PCDHGA6: variants seen among roughly 807,000 people sequenced by gnomAD.
PCDHGA6 encodes protocadherin gamma-A6.
A neutral mutation model predicts 60.6 loss-of-function variants in PCDHGA6; 41 were observed. The observed-to-expected ratio is 0.68, with a 90% CI of 0.53 to 0.88. The LOEUF (loss-of-function observed/expected upper bound fraction) is 0.88, where lower values mean the gene tolerates loss of function less well. Among genes scored for constraint, PCDHGA6 ranks in the 40% least tolerant of loss-of-function variants. The pLI is 0.00. For synonymous variants in PCDHGA6, 594 were observed against 524.4 expected, an observed-to-expected ratio of 1.13 and a Z score of -1.81; for missense variants, 1,312 against 1,203.0, an observed-to-expected ratio of 1.09 and a Z score of -1.34.
Position 141,374,160 on chromosome 5 carries a change from C to A in PCDHGA6, c.77C>A (p.Ala26Asp). 6.2e-7 allele frequency: 1 copy of A among 1,612,164 alleles called. No individual in the cohort carries two copies. The highest frequency in any genetic ancestry group is 1.7e-4 in the Middle Eastern group (1 of 6,030). The part of the protein sequence containing the change: ...LLTLLGTLWG[A>D]AAAQIRYSIP... Reference sequence around the variant, plus strand: ...ACGCTCCTGGGGACGCTGTGGGGGGCCGCGGCAGCGCAGATCCGCTACTCT... The same window carrying A: ...ACGCTCCTGGGGACGCTGTGGGGGGACGCGGCAGCGCAGATCCGCTACTCT... The change falls in exon 1 of 4, where the codon GCC becomes GAC. Residue 26 changes from alanine (A) to aspartate (D), a missense_variant. Transcript: ENST00000517434.
At position 141,393,369 on chromosome 5, in the gene PCDHGA6, G is replaced by A. The variant is rs748036677; in HGVS notation, c.2424+16862G>A. 19 of 1,613,962 alleles carry A rather than the reference G, an allele frequency of 1.2e-5. No homozygotes were observed. In the South Asian group the frequency reaches 2.0e-4, roughly 17 times the overall value. Reference sequence around the variant, plus strand: ...CTTCTCCCTGGACGTGCAGACTGGAGACAATGGAGCCATAAACCCAGAGCT... The same window carrying A: ...CTTCTCCCTGGACGTGCAGACTGGAAACAATGGAGCCATAAACCCAGAGCT... On this transcript the variant is annotated intron_variant, in intron 1 of 3. Coordinates refer to ENST00000517434, the MANE Select transcript of PCDHGA6 (RefSeq NM_018919.3).
chr5:141,451,358 T>C (rs537863729), intron 1 of PCDHGA6, among the ~76,000 whole-genome samples: 1 of 152,326 alleles, frequency 6.6e-6, no homozygotes, highest in African/African-American at 2.4e-5. Flanking sequence ...CAACAGAGGA[T>C]GGATCCGCTT....
Position 141,386,987 on chromosome 5 carries a change from A to G in PCDHGA6, c.2424+10480A>G, listed in dbSNP as rs147872708. 4.1e-3 allele frequency among the ~76,000 whole-genome samples: 628 copies of G among 152,308 alleles called. 4 individuals carry two copies. The highest frequency in any genetic ancestry group is 3.9e-3 in the Non-Finnish European group (262 of 68,032). ...CTCAGTGACTTTGTGTTTTGAGGCTATGTATTATCCCCCTGATAACTTTGA... is the reference window on the plus strand; with the variant it reads ...CTCAGTGACTTTGTGTTTTGAGGCTGTGTATTATCCCCCTGATAACTTTGA... On this transcript the variant is annotated intron_variant, in intron 1 of 3. Transcript: ENST00000517434.
intron 1 of PCDHGA6, among the ~76,000 whole-genome samples, chr5:141,448,842 G>A (rs943887884): frequency 6.6e-6 from 1 of 152,182 alleles, no homozygotes; most frequent in Non-Finnish European, 1.5e-5. Context: ...CTACTCTGGA[G>A]GCTGAGGCAG....
At chr5:141,413,763 G>A (rs964376306) in intron 1 of PCDHGA6, 6 of 1,612,814 alleles carry the variant, frequency 3.7e-6, no homozygotes, top group Non-Finnish European at 5.1e-6. Context: ...TCAAGTACCC[G>A]GAGCTGGTAC....
intron 1 of PCDHGA6, among the ~76,000 whole-genome samples, chr5:141,465,280 C>T (rs922029628): frequency 7.2e-5 from 11 of 151,990 alleles, no homozygotes; most frequent in Non-Finnish European, 1.5e-4. Flanking sequence ...TTAGTTCACC[C>T]CTAAAGAACT....
intron 1 of PCDHGA6, chr5:141,396,643 A>C (rs1271446592): frequency 6.6e-6 from 1 of 152,180 alleles, no homozygotes; most frequent in Admixed American, 6.5e-5. Context: ...ACTAATATTA[A>C]TAGTAAAAAC....
chr5:141,443,183 TTCTC>T (rs2098370937), intron 1 of PCDHGA6, among the ~76,000 whole-genome samples: 1 of 152,184 alleles, frequency 6.6e-6, no homozygotes, highest in Non-Finnish European at 1.5e-5. Context: ...CACTGCATCA[TTCTC>T]TATAGTACAA....
In PCDHGA6 at chr5:141,482,160, T is replaced by C. The variant is rs577572891; in HGVS notation, c.2425-12647T>C. Reference sequence around the variant, plus strand: ...GCATAAAAAGGTCAAGTCAAAGATATGTAAGATTAAGGCTTTACGATGCTC... The same window carrying C: ...GCATAAAAAGGTCAAGTCAAAGATACGTAAGATTAAGGCTTTACGATGCTC... On this transcript the variant is annotated intron_variant, in intron 1 of 3. Coordinates refer to ENST00000517434, the MANE Select transcript of PCDHGA6 (RefSeq NM_018919.3). 1.6e-4 allele frequency among the ~76,000 whole-genome samples: 25 copies of C among 151,966 alleles called. No homozygotes were observed. In the South Asian group the frequency reaches 4.0e-3, roughly 24 times the overall value.
intron 1 of PCDHGA6, among the ~76,000 whole-genome samples, chr5:141,438,620 A>G (rs2098023964): frequency 1.0e-4 from 4 of 39,044 alleles, no homozygotes; most frequent in African/African-American, 8.0e-4. Flanking sequence ...ATATATATAT[A>G]TATATATATA....
chr5:141,455,860 A>ATTATTTATTTAT (rs145569377), intron 1 of PCDHGA6, among the ~76,000 whole-genome samples: 9 of 139,836 alleles, frequency 6.4e-5, no homozygotes, highest in African/African-American at 7.9e-5. Context: ...AATTTCTTTT[A>ATTATTTATTTAT]TTATTTATTT....
chr5:141,431,968 T>G lies in PCDHGA6; in HGVS notation c.2424+55461T>G, dbSNP rs571981127. 6.2e-7 allele frequency: 1 copy of G among 1,614,190 alleles called. No individual in the cohort carries two copies. Among genetic ancestry groups the G allele is most frequent in the Admixed American group, 1.7e-5 (1 of 60,024 alleles). On this transcript the variant is annotated intron_variant, in intron 1 of 3. Coordinates refer to ENST00000517434, the MANE Select transcript of PCDHGA6 (RefSeq NM_018919.3). The surrounding 1 kb of genome is among the most constrained non-coding windows in gnomAD (Gnocchi z 4.8). ...AAAAATCTTACGGAAATTACTATAGTTTAGTCACAGACATAGTCTTGGATA... is the reference window on the plus strand; with the variant it reads ...AAAAATCTTACGGAAATTACTATAGGTTAGTCACAGACATAGTCTTGGATA...
At chr5:141,500,278 G>A (rs1338703900) in intron 2 of PCDHGA6, among the ~76,000 whole-genome samples, 2 of 150,508 alleles carry the variant, frequency 1.3e-5, no homozygotes, top group East Asian at 2.0e-4. Context: ...GCGCAATCTC[G>A]GCTCACTGCA....
chr5:141,446,289 G>T (rs1333286399), intron 1 of PCDHGA6, among the ~76,000 whole-genome samples: 1 of 152,112 alleles, frequency 6.6e-6, no homozygotes, highest in Non-Finnish European at 1.5e-5. Flanking sequence ...GATAAATGGG[G>T]AGCAGGGATT....
intron 1 of PCDHGA6, chr5:141,387,731 C>A (rs909205011): frequency 6.4e-6 from 8 of 1,254,262 alleles, no homozygotes; most frequent in East Asian, 2.5e-5. Flanking sequence ...CCAGCGCCAG[C>A]CTTTACACCG....
At chr5:141,461,082 T>C (rs2099008648) in intron 1 of PCDHGA6, among the ~76,000 whole-genome samples, 1 of 152,070 alleles carries the variant, frequency 6.6e-6, no homozygotes, top group South Asian at 2.1e-4. Flanking sequence ...AATTGTGAAT[T>C]GTGCTGCTAT....
chr5:141,454,860 T>G (rs62379170), intron 1 of PCDHGA6, among the ~76,000 whole-genome samples: 5,850 of 133,200 alleles, frequency 0.044, 153 homozygotes, highest in Middle Eastern at 0.11. Context: ...CAGGCTGGAG[T>G]GCAGTGGCAC....
chr5:141,411,192 G>C (rs2095472836), intron 1 of PCDHGA6: 1 of 152,098 alleles, frequency 6.6e-6, no homozygotes, highest in African/African-American at 2.4e-5. Flanking sequence ...TGGCATCTAA[G>C]AAAACAAACA....
At chr5:141,461,501 T>A (rs113852528) in intron 1 of PCDHGA6, among the ~76,000 whole-genome samples, 4 of 152,310 alleles carry the variant, frequency 2.6e-5, no homozygotes, top group South Asian at 2.1e-4. Context: ...TTATTTTTCT[T>A]GGTGATTTGT....
Sources: allele counts gnomAD v4.1 joint callset (sites outside exome capture counted in the v4.1 genomes callset), GRCh38; gene constraint gnomAD v4.1.1; non-coding constraint Gnocchi (gnomAD v3.1); transcripts MANE v1.5; gene names NCBI Gene and HGNC (gene_info 2026-07-23, HGNC 2026-07-21).